The following CENPL variants were observed in gnomAD, a reference collection of about 807,000 sequenced individuals.
CENPL encodes the protein centromere protein L, also known as interphase centromere complex protein 33.
In CENPL, 20 loss-of-function variants were observed where a neutral mutation model predicts 35.2. The ratio of observed to expected loss-of-function variants is 0.57; its 90% CI spans 0.40 to 0.83. CENPL has a LOEUF of 0.83. CENPL is among the 40% of genes least tolerant of loss of function. The probability of loss-of-function intolerance (pLI) is 0.00; values close to 1 mark genes in which losing one functional copy is unlikely to be tolerated. For synonymous variants in CENPL, 140 were observed against 140.6 expected (o/e 1.00, Z 0.03); for missense variants, 363 against 395.8 (o/e 0.92, Z 0.70).
intron 3 of CENPL, among the ~76,000 whole-genome samples, chr1:173,810,789 C>T (rs904790060): frequency 1.3e-5 from 2 of 152,016 alleles, no homozygotes; most frequent in African/African-American, 4.8e-5. Flanking sequence ...GGCATGGTAG[C>T]GGGCGCCTGT....
At chr1:173,813,175 T>A (rs1651010423) in intron 2 of CENPL, among the ~76,000 whole-genome samples, 1 of 152,114 alleles carries the variant, frequency 6.6e-6, no homozygotes, top group Admixed American at 6.6e-5. Flanking sequence ...TGGGACTATG[T>A]GAAAATACCA....
chr1:173,810,794 G>A (rs953588001), intron 3 of CENPL, among the ~76,000 whole-genome samples: 8 of 152,192 alleles, frequency 5.3e-5, no homozygotes, highest in South Asian at 2.1e-4. Context: ...GGTAGCGGGC[G>A]CCTGTAGTCC....
At chr1:173,804,327 T>C (rs1284779141) in intron 4 of CENPL, among the ~76,000 whole-genome samples, 1 of 152,246 alleles carries the variant, frequency 6.6e-6, no homozygotes, top group Non-Finnish European at 1.5e-5. Flanking sequence ...AAATATTTGA[T>C]GGTCCCCATC....
intron 2 of CENPL, chr1:173,822,313 T>C (rs766776407): frequency 6.6e-6 from 1 of 152,240 alleles, no homozygotes; most frequent in Non-Finnish European, 1.5e-5. Flanking sequence ...TTGTTTCCTC[T>C]GACATTCCAT....
At chr1:173,811,480 T>G (rs1650820347) in intron 2 of CENPL, among the ~76,000 whole-genome samples, 174 bp from the exon 3 acceptor site, 1 of 152,246 alleles carries the variant, frequency 6.6e-6, no homozygotes, top group African/African-American at 2.4e-5. Flanking sequence ...TATAGCCCAC[T>G]TTTATGTATA....
intron 2 of CENPL, among the ~76,000 whole-genome samples, chr1:173,820,782 C>G (rs1651871841): frequency 6.6e-6 from 1 of 152,016 alleles, no homozygotes; most frequent in Non-Finnish European, 1.5e-5. Context: ...ATGTTAAAGC[C>G]AATCCAAAAA....
chr1:173,808,544 T>C (rs1026219417), intron 3 of CENPL: 1 of 151,298 alleles, frequency 6.6e-6, no homozygotes, highest in African/African-American at 2.4e-5. Context: ...CAGTTATAGA[T>C]CAAACTCCTT....
chr1:173,821,567 T>C (rs1358939767), intron 2 of CENPL, among the ~76,000 whole-genome samples: 3 of 152,228 alleles, frequency 2.0e-5, no homozygotes, highest in Non-Finnish European at 2.9e-5. Flanking sequence ...GTGTATTTAA[T>C]GTTAACGTAA....
chr1:173,806,312 G>A, intron 4 of CENPL: 1 of 265,998 alleles, frequency 3.8e-6, no homozygotes, highest in Non-Finnish European at 7.7e-6. Context: ...GAGGCTGAGT[G>A]TGGTGGTTCA....
intron 2 of CENPL, among the ~76,000 whole-genome samples, chr1:173,819,655 C>T (rs1262357541): frequency 2.0e-5 from 3 of 152,006 alleles, no homozygotes; most frequent in African/African-American, 2.4e-5. Context: ...AAGTTTTTTA[C>T]GAATAAAAAG....
intron 2 of CENPL, among the ~76,000 whole-genome samples, chr1:173,812,875 C>T (rs1184661154): frequency 6.6e-6 from 1 of 152,078 alleles, no homozygotes; most frequent in Non-Finnish European, 1.5e-5. Context: ...ACAAACTTCT[C>T]AGAGCTAAAG....
At chr1:173,823,863 G>A (rs1410437682) in intron 2 of CENPL, 63 bp downstream of exon 2, 1 of 152,122 alleles carries the variant, frequency 6.6e-6, no homozygotes, top group African/African-American at 2.4e-5. Flanking sequence ...GTAAGATAAT[G>A]ACCACACAAC....
intron 5 of CENPL, among the ~76,000 whole-genome samples, chr1:173,800,998 CT>C (rs1649697480): frequency 6.6e-6 from 1 of 151,992 alleles, no homozygotes; most frequent in African/African-American, 2.4e-5. Context: ...ATTTCTTTCC[CT>C]TTTTGTTTTT....
chr1:173,802,576 A>G (rs969216658), intron 5 of CENPL, among the ~76,000 whole-genome samples: 10 of 152,188 alleles, frequency 6.6e-5, no homozygotes, highest in African/African-American at 2.2e-4. Context: ...TTCTTTCCCA[A>G]TGAGGACAGA....
At position 173,803,228 on chromosome 1, in the gene CENPL, T is replaced by C; in HGVS notation, c.698A>G (p.Tyr233Cys). 1 of 1,614,006 alleles carries C rather than the reference T, an allele frequency of 6.2e-7. No homozygotes were observed. The highest frequency in any genetic ancestry group is 8.5e-7 in the Non-Finnish European group (1 of 1,179,852). The change falls in exon 5 of 6, where the codon TAT becomes TGT. Residue 233 changes from tyrosine (Y) to cysteine (C), a missense_variant. By Grantham distance (194) the Tyr-to-Cys change is radical. Transcript: ENST00000682279. The stretch of plus-strand genomic sequence containing the variant: ...CCAAAGAAATTCAGTAGTAGCCACA[T>C]AATGGTCCATTTTGCATGCAGTCCA... The part of the protein sequence containing the change: ...AMWTACKMDH[Y>C]VATTEFLWSV...
At position 173,803,014 on chromosome 1, in the gene CENPL, T is replaced by G; in HGVS notation, c.912A>C (p.Leu304Phe). The change falls in exon 5 of 6, where the codon TTA (leucine) becomes TTC (phenylalanine). Residue 304 changes from leucine (L) to phenylalanine (F), a missense_variant. Leu to Phe is a conservative substitution (Grantham distance 22). Transcript: ENST00000682279. ...HFKIHLSATRLVRVSTSVASA... is the reference protein window; with the variant it reads ...HFKIHLSATRFVRVSTSVASA... ...AAGCTACAGATGTTGAAACACGAAC[T>G]AATCTTGTGGCTGATAAATGAATTT... is the stretch of plus-strand genomic sequence containing the variant. 6.2e-7 allele frequency: 1 copy of G among 1,613,768 alleles called. No individual in the cohort carries two copies. Among genetic ancestry groups the G allele is most frequent in the Non-Finnish European group, 8.5e-7 (1 of 1,179,658 alleles).
At chr1:173,801,900 G>A (rs907689150) in intron 5 of CENPL, among the ~76,000 whole-genome samples, 18 of 151,868 alleles carry the variant, frequency 1.2e-4, no homozygotes, top group Admixed American at 3.3e-4. Flanking sequence ...GCTCATGCTT[G>A]TAGTCCCAGC....
intron 2 of CENPL, among the ~76,000 whole-genome samples, chr1:173,812,721 A>G (rs1469109514): frequency 6.6e-6 from 1 of 152,226 alleles, no homozygotes; most frequent in Non-Finnish European, 1.5e-5. Context: ...AATGGGGAGA[A>G]ACCAGAGCAG....
chr1:173,801,888 T>C (rs539123787), intron 5 of CENPL, among the ~76,000 whole-genome samples: 1 of 151,522 alleles, frequency 6.6e-6, no homozygotes, highest in Admixed American at 6.6e-5. Context: ...CCAGGTGTAG[T>C]GGCTCATGCT....
Sources: allele counts gnomAD v4.1 joint callset (sites outside exome capture counted in the v4.1 genomes callset), GRCh38; gene constraint gnomAD v4.1.1; transcripts MANE v1.5; gene names NCBI Gene and HGNC (gene_info 2026-07-23, HGNC 2026-07-21).